Variants in ZNF516 observed in about 807,000 individuals in gnomAD.
The protein encoded by ZNF516 is zinc finger protein 516.
Under a neutral mutation model 79.7 loss-of-function variants are expected in ZNF516, and 19 were observed. That is an observed-to-expected ratio of 0.24 (90% CI 0.17 to 0.35). ZNF516 has a LOEUF of 0.35. Among genes scored for constraint, ZNF516 ranks in the 10% least tolerant of loss-of-function variants. The pLI, the probability that ZNF516 is intolerant of heterozygous loss-of-function variation, is 1.00. For synonymous variants in ZNF516, 877 were observed against 739.5 expected, an observed-to-expected ratio of 1.19 and a Z score of -3.02; for missense variants, 1,678 against 1,679.5, an observed-to-expected ratio of 1.00 and a Z score of 0.02.
intron 1 of ZNF516, among the ~76,000 whole-genome samples, chr18:76,471,673 C>G (rs1158806537): frequency 6.6e-6 from 1 of 152,172 alleles, no homozygotes; most frequent in Non-Finnish European, 1.5e-5. Flanking sequence ...CACGCTAGAT[C>G]CTGTCACATC....
intron 4 of ZNF516, among the ~76,000 whole-genome samples, chr18:76,375,537 T>A (rs972871099): frequency 6.4e-5 from 9 of 140,104 alleles, no homozygotes; most frequent in East Asian, 2.2e-4. Flanking sequence ...GTCCTGGAGA[T>A]CAGGTAGAGG....
At chr18:76,369,835 G>A (rs1486013985) in intron 6 of ZNF516, among the ~76,000 whole-genome samples, 1 of 152,216 alleles carries the variant, frequency 6.6e-6, no homozygotes, top group East Asian at 1.9e-4. Context: ...ACGTCCTCCA[G>A]GAGGGCAAAA....
chr18:76,466,777 C>T (rs960819733), intron 1 of ZNF516, among the ~76,000 whole-genome samples: 32 of 152,198 alleles, frequency 2.1e-4, no homozygotes, highest in African/African-American at 7.2e-4. Context: ...ACAGGGGCCA[C>T]GAGGGCCATC....
At chr18:76,440,665 G>A (rs1408907985) in intron 3 of ZNF516, among the ~76,000 whole-genome samples, 2 of 152,152 alleles carry the variant, frequency 1.3e-5, no homozygotes, top group Non-Finnish European at 2.9e-5. Flanking sequence ...AATCCAAGAA[G>A]ATTAATTATA....
At chr18:76,405,879 G>A (rs761748427) in intron 3 of ZNF516, among the ~76,000 whole-genome samples, 30 of 152,152 alleles carry the variant, frequency 2.0e-4, no homozygotes, top group South Asian at 8.3e-4. Flanking sequence ...CCGTCCCATG[G>A]GTGATGAGTC....
In ZNF516 at chr18:76,371,566, G is replaced by C. The variant is rs767541443; in HGVS notation, c.3265C>G (p.Leu1089Val). 1.2e-6 allele frequency: 2 copies of C among 1,609,568 alleles called. No individual in the cohort carries two copies. The highest frequency in any genetic ancestry group is 8.5e-7 in the Non-Finnish European group (1 of 1,179,564). The change falls in exon 5 of 7, where the codon CTC (leucine) becomes GTC (valine). Residue 1089 changes from leucine (L) to valine (V), a missense_variant. Leu to Val is a conservative substitution (Grantham distance 32). Transcript: ENST00000443185. ...SGPGLEHRGT[L>V]RTQARPGEFV... is the part of the protein sequence containing the mutation. ...TCTCCTGGCCGGGCCTGCGTCCGGA[G>C]TGTCCCTGCGGTGGCGAGGTGGTGG...
rs1913525665 is a variant in ZNF516 at position 76,467,137 on chromosome 18, C to CCCAGAGAGGAAATGATTT, written c.-271-3997_-271-3996insAAATCATTTCCTCTCTGG. ...CTGGCAGGAAGTCCTGCGTGTCTCT[C>CCCAGAGAGGAAATGATTT]GGAACCTGCAGCTCACAGCCCTTCT... On this transcript the variant is annotated intron_variant, in intron 1 of 6. Transcript: ENST00000443185. The surrounding 1 kb of genome is among the most constrained non-coding windows in gnomAD (Gnocchi z 4.2). 6.7e-6 allele frequency among the ~76,000 whole-genome samples: 1 copy of CCCAGAGAGGAAATGATTT among 148,396 alleles called. No homozygotes were observed. Among genetic ancestry groups the CCCAGAGAGGAAATGATTT allele is most frequent in the African/African-American group, 2.5e-5 (1 of 39,738 alleles).
At position 76,379,406 on chromosome 18, in the gene ZNF516, C is replaced by T. The variant is rs2074849363; in HGVS notation, c.2708G>A (p.Gly903Glu). ...GQEPHGAATQ[G>E]PLAKPRQEAS... is the part of the protein sequence containing the mutation. ...CTCCTGCCTGGGCTTGGCCAGGGGCCCCTGTGTGGCCGCGCCATGTGGCTC... is the reference window on the plus strand; with the variant it reads ...CTCCTGCCTGGGCTTGGCCAGGGGCTCCTGTGTGGCCGCGCCATGTGGCTC... Residue 903 changes from glycine (G) to glutamate (E), a missense_variant, in exon 4 of 7, where the codon GGG (glycine) becomes GAG (glutamate). Transcript: ENST00000443185. 1 of 1,607,014 alleles carries T rather than the reference C, an allele frequency of 6.2e-7. No individual in the cohort carries two copies. The highest frequency in any genetic ancestry group is 8.5e-7 in the Non-Finnish European group (1 of 1,176,584).
intron 2 of ZNF516, among the ~76,000 whole-genome samples, chr18:76,455,372 C>T (rs921601644): frequency 9.8e-5 from 15 of 152,354 alleles, no homozygotes; most frequent in African/African-American, 2.9e-4. Flanking sequence ...CACAGCAACA[C>T]ACACAACCCT....
chr18:76,382,475 C>T lies in ZNF516; in HGVS notation c.1811-2172G>A, dbSNP rs147277000. Among the ~76,000 whole-genome samples the T allele has an allele frequency of 3.3e-4, 51 of 152,270 alleles. No individual in the cohort carries two copies. In the East Asian group the frequency reaches 7.3e-3, roughly 22 times the overall value. ...GTGGAGTCTGTCAGTGTAAACAATG[C>T]GGCTGTGTCATCGGCCCCTGTACAT... On this transcript the variant is annotated intron_variant, in intron 3 of 6. Transcript: ENST00000443185.
At chr18:76,432,052 C>G (rs985768269) in intron 3 of ZNF516, among the ~76,000 whole-genome samples, 11 of 152,228 alleles carry the variant, frequency 7.2e-5, no homozygotes, top group Non-Finnish European at 1.5e-4. Context: ...GTGGATGAGA[C>G]GCTTTGGAGA....
chr18:76,480,529 A>ATATTTT lies in ZNF516; in HGVS notation c.-272+14614_-272+14615insAAAATA, dbSNP rs374464151. Among the ~76,000 whole-genome samples, 1,355 of 142,028 alleles carry ATATTTT rather than the reference A, an allele frequency of 9.5e-3. 34 individuals are homozygous for ATATTTT. Among genetic ancestry groups the ATATTTT allele is most frequent in the African/African-American group, 0.033 (1,263 of 38,094 alleles). 93.2% of individuals were successfully genotyped at this position (142,028 alleles called of 152,430 possible). A position where few individuals can be genotyped will look rare whatever the true frequency, so the allele number is the denominator to read the frequency against. On this transcript the variant is annotated intron_variant, in intron 1 of 6. Coordinates refer to ENST00000443185, the MANE Select transcript of ZNF516 (RefSeq NM_014643.4). ...CACACACACACACACACACACATAT[A>ATATTTT]TTTTTTTTTTTGAGACGGAGTCTTG...
intron 1 of ZNF516, among the ~76,000 whole-genome samples, chr18:76,465,270 T>TGCCC (rs980316716): frequency 1.3e-5 from 2 of 152,360 alleles, no homozygotes; most frequent in Non-Finnish European, 2.9e-5. Flanking sequence ...GATGCTTTCC[T>TGCCC]GCCCCTGGAC....
At chr18:76,418,034 C>G (rs1229108421) in intron 3 of ZNF516, among the ~76,000 whole-genome samples, 2 of 152,198 alleles carry the variant, frequency 1.3e-5, no homozygotes, top group Non-Finnish European at 2.9e-5. Context: ...GTTTCTCCTT[C>G]TCACTGCCTG....
chr18:76,403,079 G>A (rs1599033715), intron 3 of ZNF516, among the ~76,000 whole-genome samples: 1 of 152,326 alleles, frequency 6.6e-6, no homozygotes, highest in East Asian at 1.9e-4. Context: ...TGGCACTACT[G>A]TCATTTCCAT....
rs771734916 is a variant in ZNF516 at position 76,358,492 on chromosome 18, C to T, written c.*4006G>A. On this transcript the variant is annotated 3_prime_UTR_variant, in exon 7 of 7. Transcript: ENST00000443185. ...TGGCCCTTGGTCACTCCCACAGGCA[C>T]GTTACCGGGCTCCGGCGTGTGCTCC... is the stretch of plus-strand genomic sequence containing the variant. 2 of 152,232 alleles carry T rather than the reference C, an allele frequency of 1.3e-5. No homozygotes were observed. The highest frequency in any genetic ancestry group is 4.8e-5 in the African/African-American group (2 of 41,464). The allele number at this position is 152,232 out of a possible 1,614,324, so 9.4% of individuals were successfully genotyped here.
chr18:76,493,449 AAC>A lies in ZNF516; in HGVS notation c.-272+1693_-272+1694del, dbSNP rs1168433198. On this transcript the variant is annotated intron_variant, in intron 1 of 6. Coordinates refer to ENST00000443185, the MANE Select transcript of ZNF516 (RefSeq NM_014643.4). This position sits in a 1 kb window ranked among gnomAD's most constrained non-coding sequence, Gnocchi z 5.2. ...TTTCTTCACAGGTCAGATTGTAACAAACACTCGTTCCTAATTTATGAACTCGC... is the reference window on the plus strand; with the variant it reads ...TTTCTTCACAGGTCAGATTGTAACAAACTCGTTCCTAATTTATGAACTCGC... 1 of 152,608 alleles carries A rather than the reference AAC, an allele frequency of 6.6e-6. No individual in the cohort carries two copies. The highest frequency in any genetic ancestry group is 2.4e-5 in the African/African-American group (1 of 41,456). 9.5% of individuals were successfully genotyped at this position (152,608 alleles called of 1,614,324 possible). A position where few individuals can be genotyped will look rare whatever the true frequency, so the allele number is the denominator to read the frequency against.
chr18:76,441,163 C>G (rs1233848741), intron 3 of ZNF516, 82 bp downstream of exon 3: 5 of 1,498,918 alleles, frequency 3.3e-6, no homozygotes, highest in Non-Finnish European at 4.5e-6. Context: ...AGCGAGCCTA[C>G]TTGAGTATAC....
chr18:76,484,658 C>T (rs1268031936), intron 1 of ZNF516, among the ~76,000 whole-genome samples: 1 of 152,204 alleles, frequency 6.6e-6, no homozygotes, highest in Non-Finnish European at 1.5e-5. Context: ...ACACTCTCGA[C>T]GGCCCCCTTA....
Sources: gnomAD v4.1 joint callset for allele counts (sites outside exome capture counted in the v4.1 genomes callset) on GRCh38, gnomAD v4.1.1 for gene constraint, Gnocchi (gnomAD v3.1) non-coding constraint, MANE v1.5 for transcripts, NCBI Gene and HGNC (gene_info 2026-07-23, HGNC 2026-07-21) for gene names.